C8B: variants seen among roughly 807,000 people sequenced by gnomAD.
The protein encoded by C8B is complement component C8 beta chain.
In C8B, 67 loss-of-function variants were observed where a neutral mutation model predicts 64.6. That is an observed-to-expected ratio of 1.04 (90% CI 0.85 to 1.27). The LOEUF (loss-of-function observed/expected upper bound fraction) is 1.27, where lower values mean the gene tolerates loss of function less well. Among genes scored for constraint, C8B ranks in the 50% most tolerant of loss-of-function variants. The probability of loss-of-function intolerance (pLI) is 0.00; values close to 1 mark genes in which losing one functional copy is unlikely to be tolerated. For missense variants in C8B, 790 were observed against 725.2 expected (o/e 1.09, Z -1.03); for synonymous variants, 284 against 257.7 (o/e 1.10, Z -0.98).
intron 11 of C8B, 143 bp downstream of exon 11, chr1:56,931,667 G>C: frequency 1.5e-6 from 1 of 663,564 alleles, no homozygotes; most frequent in Non-Finnish European, 2.8e-6. Context: ...TGATGGAGAT[G>C]GAATTTCAAT....
At chr1:56,949,891 T>A in intron 5 of C8B, 139 bp from the exon 6 acceptor site, 1 of 688,642 alleles carries the variant, frequency 1.5e-6, no homozygotes, top group Non-Finnish European at 2.6e-6. Flanking sequence ...TCAGGGCCGA[T>A]TTGTGTCCCC....
chr1:56,932,908 C>A (rs1019672777), intron 10 of C8B, among the ~76,000 whole-genome samples: 1 of 152,088 alleles, frequency 6.6e-6, no homozygotes, highest in Admixed American at 6.6e-5. Flanking sequence ...AGATCCCAGG[C>A]TCTCACCCCT....
chr1:56,929,539 C>G lies in C8B; in HGVS notation c.1641G>C (p.Lys547Asn), dbSNP rs777478006. 3 of 1,613,804 alleles carry G rather than the reference C, an allele frequency of 1.9e-6. No homozygotes were observed. Among genetic ancestry groups the G allele is most frequent in the Admixed American group, 3.3e-5 (2 of 59,980 alleles). Reference protein sequence around the residue: ...SYRKNTPIDGKWNCWSNWSSC... With the variant: ...SYRKNTPIDGNWNCWSNWSSC... ...AAGACCAATTTGACCAGCAATTCCACTTCCCATCAATGGGGGTATCTATAA... is the reference window on the plus strand; with the variant it reads ...AAGACCAATTTGACCAGCAATTCCAGTTCCCATCAATGGGGGTATCTATAA... Residue 547 changes from lysine (K) to asparagine (N), a missense_variant, in exon 12 of 12, where the codon AAG becomes AAC. Transcript: ENST00000371237.
At chr1:56,963,604 G>T (rs1645210435) in intron 1 of C8B, among the ~76,000 whole-genome samples, 1 of 151,764 alleles carries the variant, frequency 6.6e-6, no homozygotes, top group Non-Finnish European at 1.5e-5. Context: ...GGTGGGGAGG[G>T]GACAACGCAT....
At chr1:56,934,914 C>T (rs1337144300) in intron 9 of C8B, among the ~76,000 whole-genome samples, 1 of 152,188 alleles carries the variant, frequency 6.6e-6, no homozygotes, top group Admixed American at 6.5e-5. Flanking sequence ...AAGGCATTTT[C>T]CTACCAGCAC....
intron 2 of C8B, among the ~76,000 whole-genome samples, chr1:56,959,170 A>G (rs1309703870): frequency 6.6e-6 from 1 of 152,232 alleles, no homozygotes; most frequent in Non-Finnish European, 1.5e-5. Flanking sequence ...CAGAAAGTGT[A>G]ACAACAACAT....
At chr1:56,930,875 A>G (rs1408283917) in intron 11 of C8B, among the ~76,000 whole-genome samples, 1 of 152,200 alleles carries the variant, frequency 6.6e-6, no homozygotes, top group African/African-American at 2.4e-5. Context: ...CAAACGCTTT[A>G]TATGCCTCCT....
intron 2 of C8B, among the ~76,000 whole-genome samples, chr1:56,959,297 C>T (rs1262279495): frequency 6.6e-6 from 1 of 151,806 alleles, no homozygotes; most frequent in African/African-American, 2.4e-5. Context: ...TTAAATCAGC[C>T]TTCACAAGTT....
Position 56,949,739 on chromosome 1 carries a change from T to C in C8B, c.680A>G (p.Tyr227Cys). 6.2e-7 allele frequency: 1 copy of C among 1,612,726 alleles called. No individual in the cohort carries two copies. Among genetic ancestry groups the C allele is most frequent in the Non-Finnish European group, 8.5e-7 (1 of 1,179,112 alleles). The change falls in exon 6 of 12, where the codon TAC becomes TGC. Residue 227 changes from tyrosine (Y) to cysteine (C), a missense_variant. Tyr to Cys is a radical substitution (Grantham distance 194). Coordinates refer to ENST00000371237, the MANE Select transcript of C8B (RefSeq NM_000066.4). ...ESYTPQTQGK[Y>C]EFILKEYESY... ...TTCATACTCTTTTAATATGAATTCG[T>C]ATTTGCCTTGGGTCTAAAGAAGAAA...
intron 4 of C8B, among the ~76,000 whole-genome samples, chr1:56,953,183 A>G (rs1321791850): frequency 1.3e-5 from 2 of 152,142 alleles, no homozygotes; most frequent in Non-Finnish European, 2.9e-5. Context: ...GCAAGCTTCC[A>G]TTCTTGACCA....
intron 9 of C8B, among the ~76,000 whole-genome samples, chr1:56,937,960 C>T (rs1423733239): frequency 6.6e-6 from 1 of 152,152 alleles, no homozygotes; most frequent in African/African-American, 2.4e-5. Flanking sequence ...GCCAGTTTGA[C>T]TTTTATTCCT....
chr1:56,935,068 T>G (rs755645977), intron 9 of C8B, among the ~76,000 whole-genome samples: 39 of 152,322 alleles, frequency 2.6e-4, no homozygotes, highest in Non-Finnish European at 4.7e-4. Context: ...AGCCCCATTT[T>G]CAGGTCAGGC....
chr1:56,935,080 A>G (rs1644756960), intron 9 of C8B, among the ~76,000 whole-genome samples: 1 of 152,202 alleles, frequency 6.6e-6, no homozygotes, highest in Middle Eastern at 3.2e-3. Flanking sequence ...AGGTCAGGCT[A>G]AGTAATTTGA....
chr1:56,949,176 AAC>A (rs1644984894), intron 6 of C8B, among the ~76,000 whole-genome samples: 1 of 152,178 alleles, frequency 6.6e-6, no homozygotes. Context: ...TTGCCATTGT[AAC>A]AGTTTTGAAA....
At chr1:56,958,095 G>A (rs1218694419) in intron 2 of C8B, among the ~76,000 whole-genome samples, 4 of 152,108 alleles carry the variant, frequency 2.6e-5, no homozygotes, top group Admixed American at 2.0e-4. Flanking sequence ...AGCACAAGTA[G>A]GAGAGTGGCC....
intron 4 of C8B, among the ~76,000 whole-genome samples, chr1:56,953,488 A>T (rs1481543378): frequency 6.6e-6 from 1 of 152,228 alleles, no homozygotes; most frequent in Admixed American, 6.5e-5. Context: ...GATGAGAAAC[A>T]TGAGGGTAAC....
intron 2 of C8B, among the ~76,000 whole-genome samples, chr1:56,957,212 T>C (rs1212488485): frequency 3.9e-5 from 6 of 152,202 alleles, no homozygotes. Context: ...TGTGGGAAAG[T>C]CAGCCCATGC....
At chr1:56,941,509 C>CATAGATAG (rs200918831) in intron 8 of C8B, among the ~76,000 whole-genome samples, 1,894 of 86,756 alleles carry the variant, frequency 0.022, 20 homozygotes, top group East Asian at 0.065. Context: ...TAGATAGATA[C>CATAGATAG]ATAGATAGAT....
At position 56,954,856 on chromosome 1, in the gene C8B, G is replaced by A. The variant is rs56029812; in HGVS notation, c.392-29C>T. The A allele has an allele frequency of 2.7e-4, 433 of 1,613,998 alleles. 1 individual carries two copies. In the East Asian group the frequency reaches 8.0e-3, roughly 30 times the overall value. On this transcript the variant is annotated intron_variant, in intron 3 of 11. Transcript: ENST00000371237. ...GAATGGAGAAAGAGTATTACCCACA[G>A]CCACATGGTTGGCAAGAAAGGAACT...
Sources: allele counts gnomAD v4.1 joint callset (sites outside exome capture counted in the v4.1 genomes callset), GRCh38; gene constraint gnomAD v4.1.1; transcripts MANE v1.5; gene names NCBI Gene and HGNC (gene_info 2026-07-23, HGNC 2026-07-21).